Variants in DLG2 observed in about 807,000 individuals in gnomAD.
The protein encoded by DLG2 is disks large homolog 2.
DLG2 carries 45 observed loss-of-function variants against 132.5 expected under a neutral mutation model. That is an observed-to-expected ratio of 0.34 (90% CI 0.27 to 0.44). DLG2 has a LOEUF of 0.44. Ranked by LOEUF, DLG2 falls within the 20% of genes least tolerant of loss-of-function variation. The pLI is 1.00. For missense variants in DLG2, 1,045 were observed against 1,196.9 expected, an observed-to-expected ratio of 0.87 and a Z score of 1.87; for synonymous variants, 424 against 419.6, an observed-to-expected ratio of 1.01 and a Z score of -0.13.
At chr11:84,710,936 T>C (rs2060313527) in intron 6 of DLG2, among the ~76,000 whole-genome samples, 1 of 150,174 alleles carries the variant, frequency 6.7e-6, no homozygotes, top group Non-Finnish European at 1.5e-5. Context: ...GGAAAAAATA[T>C]TACTGTGTTC....
chr11:85,515,553 T>C (rs1017070203), intron 3 of DLG2, among the ~76,000 whole-genome samples: 1 of 151,992 alleles, frequency 6.6e-6, no homozygotes, highest in Non-Finnish European at 1.5e-5. Flanking sequence ...GCTTAATTCA[T>C]AATACCTTGA....
At chr11:83,935,853 T>C (rs1006829954) in intron 14 of DLG2, among the ~76,000 whole-genome samples, 1 of 152,206 alleles carries the variant, frequency 6.6e-6, no homozygotes, top group African/African-American at 2.4e-5. Flanking sequence ...TCTGGCTCTT[T>C]CAAATTCTAC....
At chr11:84,378,512 T>A (rs2098737754) in intron 7 of DLG2, among the ~76,000 whole-genome samples, 2 of 152,116 alleles carry the variant, frequency 1.3e-5, no homozygotes, top group South Asian at 2.1e-4. Context: ...GATGAGGATA[T>A]TTATCAATCT....
chr11:84,114,939 G>C (rs573887020), intron 9 of DLG2, among the ~76,000 whole-genome samples: 1 of 151,826 alleles, frequency 6.6e-6, no homozygotes, highest in Admixed American at 6.6e-5. Context: ...TAAAATACTG[G>C]AATTACAGGA....
At chr11:84,082,640 A>C (rs879432359) in intron 10 of DLG2, among the ~76,000 whole-genome samples, 37 of 152,186 alleles carry the variant, frequency 2.4e-4, no homozygotes, top group African/African-American at 8.0e-4. Context: ...TAGATTCTTA[A>C]ATATATGTTC....
chr11:85,086,076 C>T (rs971192493), intron 6 of DLG2, among the ~76,000 whole-genome samples: 12 of 152,096 alleles, frequency 7.9e-5, no homozygotes, highest in African/African-American at 2.9e-4. Context: ...AAGATATACA[C>T]TTAATCAGCT....
At chr11:84,722,220 T>C (rs748776827) in intron 6 of DLG2, among the ~76,000 whole-genome samples, 2 of 152,156 alleles carry the variant, frequency 1.3e-5, no homozygotes, top group Non-Finnish European at 2.9e-5. Context: ...ACTTAACAAT[T>C]TGGTGCTAAA....
At chr11:84,729,358 G>C (rs756194597) in intron 6 of DLG2, among the ~76,000 whole-genome samples, 3 of 152,086 alleles carry the variant, frequency 2.0e-5, no homozygotes, top group African/African-American at 4.8e-5. Flanking sequence ...TTAAGGAGCA[G>C]GTTTTCAGTT....
intron 3 of DLG2, among the ~76,000 whole-genome samples, chr11:85,438,244 A>G (rs1249172058): frequency 6.6e-6 from 1 of 152,198 alleles, no homozygotes; most frequent in Non-Finnish European, 1.5e-5. Flanking sequence ...CCCATGACCC[A>G]AACACCTCCC....
chr11:85,100,261 T>C (rs1459701643), intron 6 of DLG2, among the ~76,000 whole-genome samples: 2 of 152,286 alleles, frequency 1.3e-5, no homozygotes, highest in East Asian at 3.9e-4. Flanking sequence ...CAGAGTTCTC[T>C]AGTGCTGATA....
At chr11:85,144,218 T>C (rs150641867) in intron 5 of DLG2, among the ~76,000 whole-genome samples, 241 of 151,954 alleles carry the variant, frequency 1.6e-3, no homozygotes, top group Admixed American at 3.5e-3. Flanking sequence ...ATCTTAGAAT[T>C]TATTCTATCT....
chr11:85,090,208 A>T (rs1014281531), intron 6 of DLG2, among the ~76,000 whole-genome samples: 3 of 152,200 alleles, frequency 2.0e-5, no homozygotes, highest in Admixed American at 6.5e-5. Flanking sequence ...GGGATTCAAA[A>T]CAAAAAACAA....
chr11:83,814,810 G>T, intron 17 of DLG2: 1 of 235,054 alleles, frequency 4.3e-6, no homozygotes, highest in Non-Finnish European at 9.4e-6. Context: ...TCTGAGTTTA[G>T]ATCCTTCAGA....
At chr11:85,253,803 A>T (rs1030257320) in intron 4 of DLG2, among the ~76,000 whole-genome samples, 1 of 152,102 alleles carries the variant, frequency 6.6e-6, no homozygotes, top group Non-Finnish European at 1.5e-5. Context: ...TCTCAGTGAG[A>T]AGGGAAAAAA....
At chr11:83,465,635 A>G (rs2090883024) in intron 26 of DLG2, among the ~76,000 whole-genome samples, 1 of 152,182 alleles carries the variant, frequency 6.6e-6, no homozygotes, top group African/African-American at 2.4e-5. Flanking sequence ...TAATGAAGTA[A>G]TTTTATATCT....
chr11:84,501,561 C>T (rs1041655876), intron 7 of DLG2, among the ~76,000 whole-genome samples: 1 of 151,724 alleles, frequency 6.6e-6, no homozygotes, highest in Admixed American at 6.6e-5. Flanking sequence ...GCCGAGACTC[C>T]GTCTAAAAAA....
chr11:85,389,237 G>T lies in DLG2; in HGVS notation c.41-103872C>A, dbSNP rs548487527. On this transcript the variant is annotated intron_variant, in intron 3 of 27. Coordinates refer to ENST00000376104, the MANE Select transcript of DLG2 (RefSeq NM_001142699.3). ...ACTAAAAAGTCTCAGCAATAGAATT[G>T]AACAAGTAGAAGAAAGAACTTCAGA... Among the ~76,000 whole-genome samples, 7 of 152,176 alleles carry T rather than the reference G, an allele frequency of 4.6e-5. No individual in the cohort carries two copies. In the South Asian group the frequency reaches 1.5e-3, roughly 32 times the overall value.
intron 6 of DLG2, among the ~76,000 whole-genome samples, chr11:84,887,710 G>A (rs2088571008): frequency 6.6e-6 from 1 of 152,102 alleles, no homozygotes; most frequent in African/African-American, 2.4e-5. Context: ...GGAAAACTGA[G>A]GCTCAGACAG....
chr11:85,601,174 G>A (rs1156447987), intron 2 of DLG2, among the ~76,000 whole-genome samples: 1 of 152,080 alleles, frequency 6.6e-6, no homozygotes. Context: ...TTAAGTTTAT[G>A]TGTAATTATT....
Sources: gnomAD v4.1 joint callset for allele counts (sites outside exome capture counted in the v4.1 genomes callset) on GRCh38, gnomAD v4.1.1 for gene constraint, MANE v1.5 for transcripts, NCBI Gene and HGNC (gene_info 2026-07-23, HGNC 2026-07-21) for gene names.